The following ST3GAL1 variants were observed in gnomAD, a reference collection of about 807,000 sequenced individuals.
ST3GAL1 encodes the protein ST3 beta-galactoside alpha-2,3-sialyltransferase 1, also known as CMP-N-acetylneuraminate-beta-galactosamide-alpha-2,3-sialyltransferase 1.
Under a neutral mutation model 34.1 loss-of-function variants are expected in ST3GAL1, and 16 were observed. The observed-to-expected ratio is 0.47, with a 90% CI of 0.32 to 0.71. The LOEUF (loss-of-function observed/expected upper bound fraction) is 0.71. Ranked by LOEUF, ST3GAL1 falls within the 30% of genes least tolerant of loss-of-function variation. ST3GAL1 has a pLI of 0.04. For missense variants in ST3GAL1, 353 were observed against 447.4 expected (o/e 0.79, Z 1.90); for synonymous variants, 191 against 184.7 (o/e 1.03, Z -0.28).
In ST3GAL1 at chr8:133,466,828, G is replaced by GT. The variant is rs1209317539; in HGVS notation, c.307-739dup. Among the ~76,000 whole-genome samples, 7 of 152,226 alleles carry GT rather than the reference G, an allele frequency of 4.6e-5. No homozygotes were observed. The highest frequency in any genetic ancestry group is 1.7e-4 in the African/African-American group (7 of 41,456). Reference sequence around the variant, plus strand: ...TAAGACCTAGCCTGGGCCAGGTGCGGTGGCTCACACCTGTAATCCCAGCAC... The same window carrying GT: ...TAAGACCTAGCCTGGGCCAGGTGCGGTTGGCTCACACCTGTAATCCCAGCAC... On this transcript the variant is annotated intron_variant, in intron 5 of 9. Transcript: ENST00000522652. This position sits in a 1 kb window ranked among gnomAD's most constrained non-coding sequence, Gnocchi z 4.4.
At position 133,475,603 on chromosome 8, in the gene ST3GAL1, C is replaced by T. The variant is rs1397713700; in HGVS notation, c.306+116G>A. ...CAGACCCCTACCCTCAGCCCAGACT[C>T]CCACTTTCAGCCCAGGCCTCCCACT... On this transcript the variant is annotated intron_variant, in intron 5 of 9. Coordinates refer to ENST00000522652, the MANE Select transcript of ST3GAL1 (RefSeq NM_173344.3). The T allele has an allele frequency of 3.2e-6, 4 of 1,258,224 alleles. 1 individual carries two copies. Among genetic ancestry groups the T allele is most frequent in the Non-Finnish European group, 4.3e-6 (4 of 938,748 alleles). The allele number at this position is 1,258,224 out of a possible 1,614,324, so 77.9% of individuals were successfully genotyped here. A position where few individuals can be genotyped will look rare whatever the true frequency, so the allele number is the denominator to read the frequency against.
chr8:133,563,025 G>T (rs910088474), intron 1 of ST3GAL1, among the ~76,000 whole-genome samples: 10 of 149,526 alleles, frequency 6.7e-5, no homozygotes, highest in East Asian at 1.9e-4. Flanking sequence ...TTTGGTTGGG[G>T]TTTATTGGTT....
chr8:133,464,858 A>G lies in ST3GAL1; in HGVS notation c.603T>C (p.Asn201=). Residue 201 remains asparagine, a synonymous_variant, in exon 7 of 10, where the codon AAT becomes AAC. Transcript: ENST00000522652. The stretch of plus-strand genomic sequence containing the variant: ...TGAAGGGCACCAGGATCATGCTGAC[A>G]TTATCTCCCAGCTCCCGGAAGCTCT... ...YPESFRELGD[N]VSMILVPFKT... 1 of 1,614,056 alleles carries G rather than the reference A, an allele frequency of 6.2e-7. No homozygotes were observed. The highest frequency in any genetic ancestry group is 8.5e-7 in the Non-Finnish European group (1 of 1,179,976).
Position 133,464,873 on chromosome 8 carries a change from C to T in ST3GAL1, c.588G>A (p.Arg196=). 1 of 1,614,104 alleles carries T rather than the reference C, an allele frequency of 6.2e-7. No individual in the cohort carries two copies. The highest frequency in any genetic ancestry group is 8.5e-7 in the Non-Finnish European group (1 of 1,180,000). Residue 196 remains arginine (R), a synonymous_variant, in exon 7 of 10, where the codon CGG becomes CGA. Coordinates refer to ENST00000522652, the MANE Select transcript of ST3GAL1 (RefSeq NM_173344.3). ...THHLVYPESF[R]ELGDNVSMIL... is the part of the protein sequence containing the mutation. ...TCATGCTGACATTATCTCCCAGCTC[C>T]CGGAAGCTCTCAGGGTACACCAGAT...
At chr8:133,545,508 A>G (rs1484652062) in intron 2 of ST3GAL1, among the ~76,000 whole-genome samples, 1 of 152,210 alleles carries the variant, frequency 6.6e-6, no homozygotes, top group Non-Finnish European at 1.5e-5. Flanking sequence ...ACCAGTGTTC[A>G]TGAGAGCTCA....
intron 2 of ST3GAL1, among the ~76,000 whole-genome samples, chr8:133,506,326 G>A (rs1040108340): frequency 6.6e-6 from 1 of 152,224 alleles, no homozygotes; most frequent in African/African-American, 2.4e-5. Flanking sequence ...GCTCACACAA[G>A]ACAACACGTA....
chr8:133,485,793 G>C lies in ST3GAL1; in HGVS notation c.-373-9193C>G, dbSNP rs564785114. Reference sequence around the variant, plus strand: ...CTGAAAAGAGAGGGTGGAGCTTTGGGGGGGATAGAAGGTCGGGAGTTGGTT... The same window carrying C: ...CTGAAAAGAGAGGGTGGAGCTTTGGCGGGGATAGAAGGTCGGGAGTTGGTT... On this transcript the variant is annotated intron_variant, in intron 3 of 9. Transcript: ENST00000522652. Among the ~76,000 whole-genome samples, 13 of 151,294 alleles carry C rather than the reference G, an allele frequency of 8.6e-5. 1 individual carries two copies. Among genetic ancestry groups the C allele is most frequent in the African/African-American group, 3.2e-4 (13 of 41,174 alleles).
chr8:133,492,610 T>C lies in ST3GAL1; in HGVS notation c.-374+6525A>G, dbSNP rs566437358. 3.9e-5 allele frequency among the ~76,000 whole-genome samples: 6 copies of C among 152,256 alleles called. No homozygotes were observed. In the East Asian group the frequency reaches 9.7e-4, roughly 25 times the overall value. On this transcript the variant is annotated intron_variant, in intron 3 of 9. Coordinates refer to ENST00000522652, the MANE Select transcript of ST3GAL1 (RefSeq NM_173344.3). ...AGTGGCATGTGCCTGTAATCCCAGA[T>C]ACTGGGGAGGCTGAGGCATGAGAAT...
chr8:133,537,877 C>A (rs1818352466), intron 2 of ST3GAL1, among the ~76,000 whole-genome samples: 1 of 152,194 alleles, frequency 6.6e-6, no homozygotes, highest in Non-Finnish European at 1.5e-5. Context: ...ATGGTTTCAG[C>A]TGTCCGGTGC....
At chr8:133,565,353 C>T (rs1375405840) in intron 1 of ST3GAL1, among the ~76,000 whole-genome samples, 1 of 152,134 alleles carries the variant, frequency 6.6e-6, no homozygotes, top group Admixed American at 6.5e-5. Context: ...GGTTGATCCG[C>T]CTGGCTCCTC....
At chr8:133,544,509 A>G (rs4736695) in intron 2 of ST3GAL1, among the ~76,000 whole-genome samples, 63,439 of 152,068 alleles carry the variant, frequency 0.42, 15,035 homozygotes, top group African/African-American at 0.65. Flanking sequence ...CATTCTTCTA[A>G]GACTCACACA....
chr8:133,543,474 G>C lies in ST3GAL1; in HGVS notation c.-429+2300C>G, dbSNP rs80315059. On this transcript the variant is annotated intron_variant, in intron 2 of 9. Transcript: ENST00000522652. ...TTCTGATTTCAGGAAAAAATATAGA[G>C]AAAAAAGAAAAAATGAACATAATAA... Among the ~76,000 whole-genome samples the C allele has an allele frequency of 0.023, 3,460 of 151,720 alleles. 212 individuals are homozygous for C. In the East Asian group the frequency reaches 0.23, roughly 10 times the overall value.
At chr8:133,477,019 G>T (rs1037976268) in intron 3 of ST3GAL1, among the ~76,000 whole-genome samples, 2 of 152,248 alleles carry the variant, frequency 1.3e-5, no homozygotes, top group African/African-American at 4.8e-5. Context: ...TGCTTAGAGA[G>T]TGGCCCAGGG....
In ST3GAL1 at chr8:133,466,384, G is replaced by C. The variant is rs906535650; in HGVS notation, c.307-294C>G. 6.6e-6 allele frequency among the ~76,000 whole-genome samples: 1 copy of C among 152,160 alleles called. No homozygotes were observed. The highest frequency in any genetic ancestry group is 1.9e-4 in the East Asian group (1 of 5,198). On this transcript the variant is annotated intron_variant, in intron 5 of 9. Coordinates refer to ENST00000522652, the MANE Select transcript of ST3GAL1 (RefSeq NM_173344.3). This position sits in a 1 kb window ranked among gnomAD's most constrained non-coding sequence, Gnocchi z 4.4. ...CGCTTGGGTGATCCAGCCACACCTG[G>C]ACTCACAGGCCCCTCCCACTCCACA...
rs1431546192 is a variant in ST3GAL1 at position 133,475,932 on chromosome 8, G to T, written c.93C>A (p.Thr31=). ...LTSFFLNYSH[T]MVATTWFPKQ... ...TGGGGAACCAGGTGGTGGCCACCATGGTGTGGGAGTAGTTCAGGAAGAAGG... is the reference window on the plus strand; with the variant it reads ...TGGGGAACCAGGTGGTGGCCACCATTGTGTGGGAGTAGTTCAGGAAGAAGG... The change falls in exon 5 of 10, where the codon ACC becomes ACA. Residue 31 remains threonine (T), a synonymous_variant. Coordinates refer to ENST00000522652, the MANE Select transcript of ST3GAL1 (RefSeq NM_173344.3). 1 of 1,613,924 alleles carries T rather than the reference G, an allele frequency of 6.2e-7. No individual in the cohort carries two copies. Among genetic ancestry groups the T allele is most frequent in the Non-Finnish European group, 8.5e-7 (1 of 1,180,040 alleles).
intron 1 of ST3GAL1, among the ~76,000 whole-genome samples, chr8:133,560,336 G>A (rs11776567): frequency 0.71 from 108,351 of 152,036 alleles, 38,794 homozygotes; most frequent in Middle Eastern, 0.78. Context: ...TTTGCATTTC[G>A]TGTGTATTAT....
At chr8:133,506,152 G>A (rs2679565) in intron 2 of ST3GAL1, among the ~76,000 whole-genome samples, 34 of 152,184 alleles carry the variant, frequency 2.2e-4, no homozygotes, top group Non-Finnish European at 4.6e-4. Context: ...AGTGCTGACC[G>A]AGAAGTAGAG....
intron 2 of ST3GAL1, among the ~76,000 whole-genome samples, chr8:133,525,623 G>A (rs932184293): frequency 5.3e-5 from 8 of 152,094 alleles, no homozygotes; most frequent in Non-Finnish European, 1.2e-4. Context: ...GCTGAGGGAC[G>A]CCTGCAGGCC....
intron 2 of ST3GAL1, among the ~76,000 whole-genome samples, chr8:133,505,668 T>A (rs1213898064): frequency 6.6e-6 from 1 of 151,890 alleles, no homozygotes; most frequent in Non-Finnish European, 1.5e-5. Context: ...GGTGGTGCAA[T>A]CTTGGCTCAC....
Sources: allele counts gnomAD v4.1 joint callset (sites outside exome capture counted in the v4.1 genomes callset), GRCh38; gene constraint gnomAD v4.1.1; non-coding constraint Gnocchi (gnomAD v3.1); transcripts MANE v1.5; gene names NCBI Gene and HGNC (gene_info 2026-07-23, HGNC 2026-07-21).